PDGFRA: variants seen among roughly 807,000 people sequenced by gnomAD.
The protein encoded by PDGFRA is platelet derived growth factor receptor alpha.
PDGFRA carries 25 observed loss-of-function variants against 121.5 expected under a neutral mutation model. That is an observed-to-expected ratio of 0.21 (90% CI 0.15 to 0.29). The LOEUF is 0.29. PDGFRA is among the 10% of genes least tolerant of loss of function. PDGFRA has a pLI of 1.00. For missense variants in PDGFRA, 1,008 were observed against 1,345.1 expected (o/e 0.75, Z 3.92); for synonymous variants, 463 against 494.8 (o/e 0.94, Z 0.85).
intron 1 of PDGFRA, among the ~76,000 whole-genome samples, chr4:54,253,182 C>T (rs965195742): frequency 1.3e-5 from 2 of 152,152 alleles, no homozygotes; most frequent in Non-Finnish European, 2.9e-5. Context: ...CTGGGGCATC[C>T]CTCACTTTCT....
At chr4:54,254,470 C>G (rs776559098) in intron 1 of PDGFRA, among the ~76,000 whole-genome samples, 1 of 152,194 alleles carries the variant, frequency 6.6e-6, no homozygotes, top group Non-Finnish European at 1.5e-5. Flanking sequence ...TCCACCATGT[C>G]TGGATGCACA....
Position 54,272,752 on chromosome 4 carries a change from C to T in PDGFRA, c.1364+232C>T, listed in dbSNP as rs543056120. Reference sequence around the variant, plus strand: ...AGAGTGAATTTTAAGAACCACTGTTCTAAGAAGATTTTTACTACCCTGGCT... The same window carrying T: ...AGAGTGAATTTTAAGAACCACTGTTTTAAGAAGATTTTTACTACCCTGGCT... On this transcript the variant is annotated intron_variant, in intron 9 of 22. Transcript: ENST00000257290. Among the ~76,000 whole-genome samples, 9 of 152,248 alleles carry T rather than the reference C, an allele frequency of 5.9e-5. No homozygotes were observed. The South Asian group carries it at 1.9e-3, about 32-fold the overall frequency.
At chr4:54,251,386 G>T (rs1722049020) in intron 1 of PDGFRA, among the ~76,000 whole-genome samples, 1 of 152,122 alleles carries the variant, frequency 6.6e-6, no homozygotes, top group African/African-American at 2.4e-5. Context: ...TGGAGCATAT[G>T]TCTTTCTTTT....
intron 1 of PDGFRA, among the ~76,000 whole-genome samples, chr4:54,250,960 G>A (rs1246211307): frequency 6.6e-6 from 1 of 151,776 alleles, no homozygotes; most frequent in Non-Finnish European, 1.5e-5. Flanking sequence ...AGTTACTCGG[G>A]AGGCTGAGGC....
At chr4:54,262,706 A>T (rs935231750) in intron 3 of PDGFRA, among the ~76,000 whole-genome samples, 3 of 152,156 alleles carry the variant, frequency 2.0e-5, no homozygotes, top group Non-Finnish European at 4.4e-5. Flanking sequence ...TTGTTTTGAA[A>T]AGGGAAGGTA....
intron 22 of PDGFRA, among the ~76,000 whole-genome samples, chr4:54,292,391 C>T (rs1336088645): frequency 3.9e-5 from 6 of 152,154 alleles, no homozygotes; most frequent in African/African-American, 1.2e-4. Flanking sequence ...AGCTGGAAGC[C>T]GTTACCGTCA....
chr4:54,258,389 A>G (rs1044617801), intron 1 of PDGFRA, among the ~76,000 whole-genome samples: 4 of 152,160 alleles, frequency 2.6e-5, no homozygotes, highest in Non-Finnish European at 5.9e-5. Context: ...AGTTGTAGAG[A>G]GTGTGACCTC....
intron 1 of PDGFRA, among the ~76,000 whole-genome samples, chr4:54,257,905 T>G (rs944375984): frequency 1.3e-5 from 2 of 152,230 alleles, no homozygotes; most frequent in Admixed American, 6.5e-5. Context: ...TATTTGTGTC[T>G]GACTCAATTT....
rs1054040149 is a variant in PDGFRA, at chr4:54,296,863, C to T, written c.*1591C>T. 6.4e-5 allele frequency: 15 copies of T among 232,728 alleles called. No individual in the cohort carries two copies. The highest frequency in any genetic ancestry group is 1.8e-4 in the African/African-American group (8 of 45,306). The allele number at this position is 232,728 out of a possible 1,614,324, so 14.4% of individuals were successfully genotyped here. A position where few individuals can be genotyped will look rare whatever the true frequency, so the allele number is the denominator to read the frequency against. ...TTTAATGCCATCTAGCTAGCAATTG[C>T]GACCTTAATTTAACTTTCCAGTCTT... On this transcript the variant is annotated 3_prime_UTR_variant, in exon 23 of 23. Transcript: ENST00000257290.
intron 4 of PDGFRA, 71 bp from the exon 5 acceptor site, chr4:54,264,848 A>AAACCC: frequency 1.4e-6 from 2 of 1,460,944 alleles, no homozygotes; most frequent in African/African-American, 2.9e-5. Flanking sequence ...AAAAAAAAAA[A>AAACCC]AAACCCAAAC....
At chr4:54,253,864 T>G (rs1168205527) in intron 1 of PDGFRA, among the ~76,000 whole-genome samples, 2 of 152,064 alleles carry the variant, frequency 1.3e-5, no homozygotes, top group Non-Finnish European at 2.9e-5. Flanking sequence ...TTTTTATTTT[T>G]AGTAGAGGTG....
chr4:54,238,009 G>A (rs1261343597), intron 1 of PDGFRA, among the ~76,000 whole-genome samples: 1 of 152,176 alleles, frequency 6.6e-6, no homozygotes, highest in African/African-American at 2.4e-5. Context: ...AGCCTCAACT[G>A]CCACTTCTTA....
Position 54,251,871 on chromosome 4 carries a change from G to A in PDGFRA, c.-12-6886G>A, listed in dbSNP as rs557430985. Among the ~76,000 whole-genome samples, 16 of 152,294 alleles carry A rather than the reference G, an allele frequency of 1.1e-4. No individual in the cohort carries two copies. The South Asian group carries it at 3.1e-3, about 30-fold the overall frequency. The stretch of plus-strand genomic sequence containing the variant: ...TCCATCGAAACCAATTTTAACAAGA[G>A]CCTATGTGGCAAATAATTATTTTTG... On this transcript the variant is annotated intron_variant, in intron 1 of 22. Transcript: ENST00000257290.
At chr4:54,245,453 C>G (rs1322287950) in intron 1 of PDGFRA, among the ~76,000 whole-genome samples, 2 of 151,704 alleles carry the variant, frequency 1.3e-5, no homozygotes, top group African/African-American at 4.8e-5. Flanking sequence ...ATTTCATATC[C>G]AGCCAAACTA....
intron 1 of PDGFRA, among the ~76,000 whole-genome samples, chr4:54,231,337 C>A (rs1162129251): frequency 6.6e-6 from 1 of 152,214 alleles, no homozygotes; most frequent in South Asian, 2.1e-4. Context: ...TGTTTTGGAC[C>A]GACTCGCCTC....
Position 54,296,833 on chromosome 4 carries a change from T to C in PDGFRA, c.*1561T>C, listed in dbSNP as rs145328998. On this transcript the variant is annotated 3_prime_UTR_variant, in exon 23 of 23. Coordinates refer to ENST00000257290, the MANE Select transcript of PDGFRA (RefSeq NM_006206.6). ...ATTTAAATCCTTGGCTTCAGGTTAG[T>C]GACATTTAATGCCATCTAGCTAGCA... is the stretch of plus-strand genomic sequence containing the variant. 89 of 233,014 alleles carry C rather than the reference T, an allele frequency of 3.8e-4. 1 individual carries two copies. In the East Asian group the frequency reaches 4.6e-3, roughly 12 times the overall value. 14.4% of individuals were successfully genotyped at this position (233,014 alleles called of 1,614,324 possible).
At chr4:54,249,086 T>C (rs1199373347) in intron 1 of PDGFRA, among the ~76,000 whole-genome samples, 1 of 151,996 alleles carries the variant, frequency 6.6e-6, no homozygotes, top group Non-Finnish European at 1.5e-5. Flanking sequence ...CTGGAGAGGA[T>C]GTGGAGAAAT....
At chr4:54,231,577 C>T (rs994286667) in intron 1 of PDGFRA, among the ~76,000 whole-genome samples, 4 of 152,260 alleles carry the variant, frequency 2.6e-5, no homozygotes, top group African/African-American at 9.6e-5. Context: ...TGCATCCCCT[C>T]TTCTCCCTTT....
At chr4:54,262,308 A>G (rs773328842) in intron 3 of PDGFRA, among the ~76,000 whole-genome samples, 3 of 152,018 alleles carry the variant, frequency 2.0e-5, no homozygotes, top group Non-Finnish European at 4.4e-5. Context: ...CAAGTGATCC[A>G]CAGCCACCTC....
Sources: gnomAD v4.1 joint callset for allele counts (sites outside exome capture counted in the v4.1 genomes callset) on GRCh38, gnomAD v4.1.1 for gene constraint, MANE v1.5 for transcripts, NCBI Gene and HGNC (gene_info 2026-07-23, HGNC 2026-07-21) for gene names.